Variants in ERBB4 observed in about 807,000 individuals in gnomAD.
ERBB4 encodes erb-b2 receptor tyrosine kinase 4, also known as receptor tyrosine-protein kinase erbB-4.
Under a neutral mutation model 158.0 loss-of-function variants are expected in ERBB4, and 42 were observed. That is an observed-to-expected ratio of 0.27 (90% CI 0.21 to 0.34). The LOEUF is 0.34. Ranked by LOEUF, ERBB4 falls within the 10% of genes least tolerant of loss-of-function variation. The pLI is 1.00. For synonymous variants in ERBB4, 583 were observed against 558.7 expected, an observed-to-expected ratio of 1.04 and a Z score of -0.61; for missense variants, 1,333 against 1,624.1, an observed-to-expected ratio of 0.82 and a Z score of 3.08.
intron 20 of ERBB4, among the ~76,000 whole-genome samples, chr2:211,511,711 A>C (rs1469265530): frequency 6.6e-6 from 1 of 152,134 alleles, no homozygotes; most frequent in Non-Finnish European, 1.5e-5. Context: ...AATCCTTTCT[A>C]GAGAGAAAAA....
intron 1 of ERBB4, among the ~76,000 whole-genome samples, chr2:212,483,516 A>G (rs1560450823): frequency 6.6e-6 from 1 of 152,204 alleles, no homozygotes; most frequent in East Asian, 1.9e-4. Flanking sequence ...TAGTAAATGA[A>G]GTTCTTAACT....
chr2:212,203,874 C>A (rs1438762144), intron 1 of ERBB4, among the ~76,000 whole-genome samples: 2 of 152,154 alleles, frequency 1.3e-5, no homozygotes, highest in East Asian at 3.9e-4. Flanking sequence ...AATGAAGATA[C>A]TCTTTTTAAC....
Position 211,662,337 on chromosome 2 carries a change from A to T in ERBB4, c.1871+2986T>A, listed in dbSNP as rs191338001. Among the ~76,000 whole-genome samples, 654 of 152,204 alleles carry T rather than the reference A, an allele frequency of 4.3e-3. 4 individuals are homozygous for T. The highest frequency in any genetic ancestry group is 0.015 in the African/African-American group (617 of 41,536). ...ACATTGGTTAAGTTTACAAATCTTT[A>T]AAAAAATTCTATCTTGCTAATTTCA... On this transcript the variant is annotated intron_variant, in intron 15 of 27. Coordinates refer to ENST00000342788, the MANE Select transcript of ERBB4 (RefSeq NM_005235.3).
intron 20 of ERBB4, among the ~76,000 whole-genome samples, chr2:211,549,169 AG>A (rs1003035715): frequency 3.3e-5 from 5 of 152,124 alleles, no homozygotes; most frequent in Admixed American, 3.3e-4. Context: ...CTATGTGGAA[AG>A]GGTTTTTGTA....
chr2:211,787,141 T>C (rs1426541955), intron 4 of ERBB4, among the ~76,000 whole-genome samples: 2 of 152,168 alleles, frequency 1.3e-5, no homozygotes, highest in African/African-American at 4.8e-5. Context: ...ATCAGTAATA[T>C]AGCAAATAAT....
At chr2:212,119,479 G>T (rs918499836) in intron 2 of ERBB4, among the ~76,000 whole-genome samples, 9 of 152,070 alleles carry the variant, frequency 5.9e-5, no homozygotes, top group Admixed American at 2.6e-4. Flanking sequence ...GAGGGTAAAA[G>T]GTCTAATAGT....
rs555056204 is a variant in ERBB4 at position 212,227,429 on chromosome 2, T to C, written c.83-102526A>G. Among the ~76,000 whole-genome samples the C allele has an allele frequency of 2.6e-5, 4 of 152,286 alleles. No individual in the cohort carries two copies. In the East Asian group the frequency reaches 5.8e-4, roughly 22 times the overall value. ...AAAGGGGATATATGACGAGCTCTTC[T>C]ATATTCATGAGGTGTTAATCTTTCC... is the stretch of plus-strand genomic sequence containing the variant. On this transcript the variant is annotated intron_variant, in intron 1 of 27. Coordinates refer to ENST00000342788, the MANE Select transcript of ERBB4 (RefSeq NM_005235.3).
chr2:211,728,528 T>G (rs1409304338), intron 5 of ERBB4, among the ~76,000 whole-genome samples: 1 of 151,868 alleles, frequency 6.6e-6, no homozygotes, highest in Non-Finnish European at 1.5e-5. Context: ...CAGACAGTTT[T>G]GTACAGAATA....
chr2:212,100,409 T>C (rs941726288), intron 2 of ERBB4, among the ~76,000 whole-genome samples: 3 of 152,192 alleles, frequency 2.0e-5, no homozygotes, highest in Non-Finnish European at 4.4e-5. Context: ...ATACAAGAAA[T>C]AAATAGCATT....
rs11899802 is a variant in ERBB4 at position 211,556,568 on chromosome 2, A to G, written c.2487+5335T>C. On this transcript the variant is annotated intron_variant, in intron 20 of 27. Coordinates refer to ENST00000342788, the MANE Select transcript of ERBB4 (RefSeq NM_005235.3). ...ACATAGGTGTATATACTTACAGGGT[A>G]CAGAATATACATCCACCTCATTGCC... Among the ~76,000 whole-genome samples, 687 of 152,232 alleles carry G rather than the reference A, an allele frequency of 4.5e-3. 6 individuals are homozygous for G. The highest frequency in any genetic ancestry group is 0.016 in the African/African-American group (663 of 41,536).
At chr2:212,533,571 G>T (rs1692872541) in intron 1 of ERBB4, among the ~76,000 whole-genome samples, 1 of 152,020 alleles carries the variant, frequency 6.6e-6, no homozygotes, top group African/African-American at 2.4e-5. Context: ...ACAGTTTCAG[G>T]AAACATTGAC....
At chr2:211,629,350 G>T (rs1312682264) in intron 17 of ERBB4, among the ~76,000 whole-genome samples, 1 of 151,388 alleles carries the variant, frequency 6.6e-6, no homozygotes. Context: ...GGACGTGAAG[G>T]ACCTCTTCAA....
At chr2:211,832,436 G>A (rs2077242247) in intron 3 of ERBB4, among the ~76,000 whole-genome samples, 1 of 151,904 alleles carries the variant, frequency 6.6e-6, no homozygotes, top group Non-Finnish European at 1.5e-5. Context: ...TTCTATTTAT[G>A]TATTAGCCTT....
rs543851375 is a variant in ERBB4 at position 211,929,801 on chromosome 2, CAT to C, written c.421+17627_421+17628del. Reference sequence around the variant, plus strand: ...TAGTTAGATATTATACTCATATAGACATATAAATGCATCTGTGTATGTGTCTA... The same window carrying C: ...TAGTTAGATATTATACTCATATAGACATAAATGCATCTGTGTATGTGTCTA... On this transcript the variant is annotated intron_variant, in intron 3 of 27. Coordinates refer to ENST00000342788, the MANE Select transcript of ERBB4 (RefSeq NM_005235.3). Among the ~76,000 whole-genome samples, 331 of 152,154 alleles carry C rather than the reference CAT, an allele frequency of 2.2e-3. 3 individuals carry two copies. Among genetic ancestry groups the C allele is most frequent in the African/African-American group, 7.7e-3 (319 of 41,528 alleles).
chr2:212,159,377 C>A (rs1180619373), intron 1 of ERBB4, among the ~76,000 whole-genome samples: 1 of 150,708 alleles, frequency 6.6e-6, no homozygotes, highest in Admixed American at 6.7e-5. Context: ...CCTACACTTT[C>A]TCAATGTCTA....
intron 3 of ERBB4, among the ~76,000 whole-genome samples, chr2:211,837,605 C>T (rs1575221697): frequency 6.6e-6 from 1 of 152,048 alleles, no homozygotes; most frequent in Non-Finnish European, 1.5e-5. Context: ...GGTTGAATCT[C>T]CTTCTCACTA....
chr2:212,262,026 T>C (rs919779087), intron 1 of ERBB4, among the ~76,000 whole-genome samples: 1 of 152,178 alleles, frequency 6.6e-6, no homozygotes, highest in African/African-American at 2.4e-5. Context: ...TTATCACATA[T>C]TCAATTAGAA....
chr2:212,196,774 G>T (rs1482627762), intron 1 of ERBB4, among the ~76,000 whole-genome samples: 1 of 151,964 alleles, frequency 6.6e-6, no homozygotes, highest in African/African-American at 2.4e-5. Flanking sequence ...TCTCATAACT[G>T]CCCAAATTAA....
chr2:212,031,000 A>G (rs1236806037), intron 2 of ERBB4, among the ~76,000 whole-genome samples: 1 of 151,522 alleles, frequency 6.6e-6, no homozygotes, highest in Non-Finnish European at 1.5e-5. Context: ...TACCTTTCAC[A>G]CTCTTATCCA....
Sources: allele counts gnomAD v4.1 joint callset (sites outside exome capture counted in the v4.1 genomes callset), GRCh38; gene constraint gnomAD v4.1.1; transcripts MANE v1.5; gene names NCBI Gene and HGNC (gene_info 2026-07-23, HGNC 2026-07-21).